TRAK1: variants seen among roughly 807,000 people sequenced by gnomAD.
TRAK1 encodes trafficking kinesin-binding protein 1.
Under a neutral mutation model 92.1 loss-of-function variants are expected in TRAK1, and 33 were observed. The observed-to-expected ratio is 0.36, with a 90% CI of 0.27 to 0.48. The LOEUF (loss-of-function observed/expected upper bound fraction) is 0.48, where lower values mean the gene tolerates loss of function less well. Among genes scored for constraint, TRAK1 ranks in the 20% least tolerant of loss-of-function variants. TRAK1 has a pLI of 0.99. For missense variants in TRAK1, 1,123 were observed against 1,257.9 expected (o/e 0.89, Z 1.62); for synonymous variants, 521 against 517.3 (o/e 1.01, Z -0.10).
intron 14 of TRAK1, chr3:42,218,892 G>A (rs1710017010): frequency 4.1e-6 from 4 of 985,350 alleles, no homozygotes; most frequent in Non-Finnish European, 2.4e-6. Flanking sequence ...CTGATCTCTG[G>A]AACTCTTGCC....
upstream of TRAK1, among the ~76,000 whole-genome samples, chr3:42,084,200 G>A (rs1268082531): frequency 1.3e-5 from 2 of 151,914 alleles, no homozygotes; most frequent in African/African-American, 4.8e-5. Context: ...TCATCAGTGT[G>A]CCTTTTTATC....
chr3:42,125,376 A>G, intron 1 of TRAK1, 44 bp from the exon 2 acceptor site: 1 of 1,590,830 alleles, frequency 6.3e-7, no homozygotes, highest in Non-Finnish European at 8.6e-7. Context: ...CAGCAAGGCC[A>G]TAGCCATTTC....
At chr3:42,085,937 A>G (rs1428451849), upstream of TRAK1, among the ~76,000 whole-genome samples, 2 of 152,258 alleles carry the variant, frequency 1.3e-5, no homozygotes, top group Non-Finnish European at 2.9e-5. Context: ...TACATCCATG[A>G]AAGAGTGAGA....
chr3:42,113,909 C>A (rs1198207897), intron 1 of TRAK1, among the ~76,000 whole-genome samples: 1 of 152,172 alleles, frequency 6.6e-6, no homozygotes, highest in African/African-American at 2.4e-5. Flanking sequence ...TCAAAATGTG[C>A]ACCCATAACC....
Position 42,220,535 on chromosome 3 carries a change from C to T in TRAK1, c.2066+939C>T, listed in dbSNP as rs533112550. 2.6e-5 allele frequency: 26 copies of T among 985,410 alleles called. No individual in the cohort carries two copies. The South Asian group carries it at 8.5e-4, about 32-fold the overall frequency. The allele number at this position is 985,410 out of a possible 1,614,324, so 61.0% of individuals were successfully genotyped here. A position where few individuals can be genotyped will look rare whatever the true frequency, so the allele number is the denominator to read the frequency against. On this transcript the variant is annotated intron_variant, in intron 15 of 15. Transcript: ENST00000327628. ...AGGACGACGAAGCAGCCATATGCCC[C>T]GTTGAGCTGAGAGGAGATATAGGGC...
chr3:42,165,296 G>A (rs995554956), intron 2 of TRAK1, among the ~76,000 whole-genome samples: 1 of 152,124 alleles, frequency 6.6e-6, no homozygotes, highest in African/African-American at 2.4e-5. Flanking sequence ...GGGCAGTTTT[G>A]AGGTGTTGAA....
chr3:42,026,609 C>G (rs1362384736), intron 1 of TRAK1, among the ~76,000 whole-genome samples: 1 of 151,422 alleles, frequency 6.6e-6, no homozygotes, highest in Non-Finnish European at 1.5e-5. Context: ...ACTGCAACCT[C>G]TGCCTCCCAG....
intron 1 of TRAK1, among the ~76,000 whole-genome samples, chr3:42,101,887 C>T (rs1208226221): frequency 6.6e-6 from 1 of 152,186 alleles, no homozygotes; most frequent in Admixed American, 6.5e-5. Context: ...CAATCCTCCA[C>T]CTATTTACTC....
At chr3:42,129,248 C>A (rs925929139) in intron 2 of TRAK1, among the ~76,000 whole-genome samples, 1 of 151,696 alleles carries the variant, frequency 6.6e-6, no homozygotes, top group East Asian at 1.9e-4. Flanking sequence ...AGTTTTGAGG[C>A]GTGTGAGAAG....
intron 1 of TRAK1, among the ~76,000 whole-genome samples, chr3:42,015,161 C>T (rs1371917785): frequency 6.6e-6 from 1 of 152,118 alleles, no homozygotes; most frequent in African/African-American, 2.4e-5. Context: ...GCGCCTTCCC[C>T]TCTGTCTCTC....
intron 14 of TRAK1, chr3:42,211,002 A>G: frequency 5.1e-6 from 5 of 985,320 alleles, no homozygotes; most frequent in Non-Finnish European, 6.0e-6. Flanking sequence ...TCTAGACTGG[A>G]CCTCCCAGCC....
chr3:42,156,747 AT>A (rs1425272313), intron 2 of TRAK1, among the ~76,000 whole-genome samples: 2 of 152,258 alleles, frequency 1.3e-5, no homozygotes, highest in Non-Finnish European at 2.9e-5. Flanking sequence ...ACCATGAAAT[AT>A]ATCACCATGA....
chr3:42,060,625 C>CTT (rs1299725245), intron 1 of TRAK1, among the ~76,000 whole-genome samples: 77 of 123,272 alleles, frequency 6.2e-4, no homozygotes, highest in African/African-American at 1.8e-3. Flanking sequence ...TTTTTGGCTG[C>CTT]TTTTTTTTTT....
chr3:42,220,655 C>T (rs977441803), intron 15 of TRAK1: 16 of 956,662 alleles, frequency 1.7e-5, no homozygotes, highest in African/African-American at 1.2e-4. Context: ...TGTGTGCACG[C>T]GTGGCCGCCA....
chr3:42,081,355 T>TA (rs1412950639), intron 1 of TRAK1, among the ~76,000 whole-genome samples: 2 of 152,240 alleles, frequency 1.3e-5, no homozygotes, highest in African/African-American at 4.8e-5. Flanking sequence ...TTTGGGAGTT[T>TA]AGACCCTTTG....
chr3:42,201,466 A>C (rs1707552258), intron 12 of TRAK1, among the ~76,000 whole-genome samples: 1 of 151,994 alleles, frequency 6.6e-6, no homozygotes, highest in Non-Finnish European at 1.5e-5. Flanking sequence ...GTCTCAAAAA[A>C]AAAAAGCGGA....
chr3:42,069,369 T>G (rs370945596), intron 1 of TRAK1, among the ~76,000 whole-genome samples: 1 of 149,526 alleles, frequency 6.7e-6, no homozygotes, highest in African/African-American at 2.5e-5. Flanking sequence ...GATGGTGCAG[T>G]GGTGCTAAGC....
upstream of TRAK1, among the ~76,000 whole-genome samples, chr3:42,082,462 G>T (rs1704482094): frequency 6.6e-6 from 1 of 152,058 alleles, no homozygotes. Flanking sequence ...GCCTAGCGTA[G>T]TGGTGCGTGC....
At chr3:42,149,510 T>A (rs1169682463) in intron 2 of TRAK1, 2 of 1,536,056 alleles carry the variant, frequency 1.3e-6, no homozygotes, top group African/African-American at 2.7e-5. Context: ...GTGAAGTCCA[T>A]TCTTTCCTCT....
Sources: gnomAD v4.1 joint callset for allele counts (sites outside exome capture counted in the v4.1 genomes callset) on GRCh38, gnomAD v4.1.1 for gene constraint, MANE v1.5 for transcripts, NCBI Gene and HGNC (gene_info 2026-07-23, HGNC 2026-07-21) for gene names.